The following OPCML variants were observed in gnomAD, a reference collection of about 807,000 sequenced individuals.
OPCML encodes opioid binding protein/cell adhesion molecule like, also known as opioid-binding protein/cell adhesion molecule.
In OPCML, 13 loss-of-function variants were observed where a neutral mutation model predicts 37.8. The ratio of observed to expected loss-of-function variants is 0.34; its 90% confidence interval spans 0.22 to 0.55. The LOEUF is 0.55. Among genes scored for constraint, OPCML ranks in the 20% least tolerant of loss-of-function variants. OPCML has a pLI of 0.91. For missense variants in OPCML, 341 were observed against 435.6 expected, an observed-to-expected ratio of 0.78 and a Z score of 1.93; for synonymous variants, 176 against 168.8, an observed-to-expected ratio of 1.04 and a Z score of -0.33.
chr11:133,499,565 G>T (rs1033885460), intron 1 of OPCML, among the ~76,000 whole-genome samples: 2 of 151,844 alleles, frequency 1.3e-5, no homozygotes, highest in Admixed American at 1.3e-4. Flanking sequence ...GAGGCTCTTT[G>T]TGGGCTGCAC....
chr11:132,896,778 C>T (rs982096428), intron 2 of OPCML, among the ~76,000 whole-genome samples: 7 of 152,202 alleles, frequency 4.6e-5, no homozygotes, highest in Non-Finnish European at 7.3e-5. Context: ...ATGGGTAAGG[C>T]GTTTGCATAT....
At chr11:132,899,549 T>A (rs1419567626) in intron 2 of OPCML, among the ~76,000 whole-genome samples, 1 of 152,188 alleles carries the variant, frequency 6.6e-6, no homozygotes, top group Non-Finnish European at 1.5e-5. Flanking sequence ...TGTCTTCATT[T>A]GGAGGTTAAG....
intron 1 of OPCML, among the ~76,000 whole-genome samples, chr11:133,193,066 C>A (rs1019829107): frequency 8.6e-5 from 13 of 151,988 alleles, no homozygotes; most frequent in South Asian, 4.2e-4. Flanking sequence ...CCAAAAAAAA[C>A]CAGAATTGAG....
At chr11:132,780,616 G>C (rs1304411710) in intron 2 of OPCML, among the ~76,000 whole-genome samples, 2 of 152,150 alleles carry the variant, frequency 1.3e-5, no homozygotes, top group Non-Finnish European at 2.9e-5. Flanking sequence ...CTCAGAATAG[G>C]CTGGGAGGTA....
intron 2 of OPCML, among the ~76,000 whole-genome samples, chr11:132,924,850 A>G (rs575714106): frequency 4.9e-4 from 74 of 151,150 alleles, no homozygotes; most frequent in Non-Finnish European, 8.8e-4. Context: ...ATTTCTATAC[A>G]TATCTCCTCT....
intron 1 of OPCML, among the ~76,000 whole-genome samples, chr11:133,447,657 T>G (rs1412706332): frequency 1.3e-5 from 2 of 152,250 alleles, no homozygotes; most frequent in Non-Finnish European, 2.9e-5. Context: ...TCACTTAGGT[T>G]AATGGCCTCC....
intron 1 of OPCML, chr11:133,003,859 A>C (rs186799577): frequency 5.1e-6 from 5 of 985,274 alleles, no homozygotes; most frequent in East Asian, 1.1e-4. Flanking sequence ...CTTGCCATCC[A>C]CCGTGTGCCC....
At chr11:132,745,870 T>C (rs61908971) in intron 2 of OPCML, among the ~76,000 whole-genome samples, 51,000 of 151,972 alleles carry the variant, frequency 0.34, 9,829 homozygotes, top group Non-Finnish European at 0.44. Context: ...CAATAGAAGC[T>C]TTCAGAAAGG....
intron 2 of OPCML, among the ~76,000 whole-genome samples, chr11:132,731,088 C>T (rs1182980086): frequency 6.6e-6 from 1 of 152,182 alleles, no homozygotes; most frequent in African/African-American, 2.4e-5. Flanking sequence ...ATCAACTGTC[C>T]TGTCCAGTGG....
At chr11:132,676,247 G>A (rs1942696446) in intron 2 of OPCML, among the ~76,000 whole-genome samples, 1 of 152,066 alleles carries the variant, frequency 6.6e-6, no homozygotes. Flanking sequence ...ACACACAATT[G>A]AATACAGCTG....
At chr11:132,995,408 G>GA (rs1245518372) in intron 1 of OPCML, among the ~76,000 whole-genome samples, 2 of 151,846 alleles carry the variant, frequency 1.3e-5, no homozygotes, top group Non-Finnish European at 2.9e-5. Flanking sequence ...GTTGGAATTG[G>GA]AATTCAAAAT....
intron 1 of OPCML, among the ~76,000 whole-genome samples, chr11:132,978,201 G>A (rs1425912297): frequency 6.6e-6 from 1 of 152,208 alleles, no homozygotes; most frequent in Non-Finnish European, 1.5e-5. Context: ...ACCAGTGGGT[G>A]CTGAGGTAGG....
At chr11:133,399,138 C>CAA (rs1945347841) in intron 1 of OPCML, among the ~76,000 whole-genome samples, 1 of 152,086 alleles carries the variant, frequency 6.6e-6, no homozygotes, top group Non-Finnish European at 1.5e-5. Context: ...TCCCCCTCCC[C>CAA]CAGCAAAGAA....
In OPCML at chr11:132,954,297, T is replaced by C. The variant is rs117613196; in HGVS notation, c.62-11287A>G. Among the ~76,000 whole-genome samples, 6 of 152,240 alleles carry C rather than the reference T, an allele frequency of 3.9e-5. No individual in the cohort carries two copies. In the East Asian group the frequency reaches 1.2e-3, roughly 29 times the overall value. On this transcript the variant is annotated intron_variant, in intron 1 of 7. Coordinates refer to ENST00000524381, the MANE Select transcript of OPCML (RefSeq NM_001012393.5). ...AAGAAATAAATCAGGTGTCATAGTA[T>C]GGTATGAGAAGATTAAAAATATGTA...
intron 2 of OPCML, among the ~76,000 whole-genome samples, chr11:132,737,863 A>G (rs1945311652): frequency 6.6e-6 from 1 of 152,232 alleles, no homozygotes. Context: ...TTGGGCAACC[A>G]GAGATCAAAA....
chr11:132,539,450 C>G (rs1565648159), intron 3 of OPCML, among the ~76,000 whole-genome samples: 3 of 152,090 alleles, frequency 2.0e-5, no homozygotes, highest in African/African-American at 7.2e-5. Flanking sequence ...TTGAATAAAC[C>G]CTGAGATTTT....
intron 1 of OPCML, chr11:133,025,477 T>C: frequency 1.0e-6 from 1 of 985,460 alleles, no homozygotes; most frequent in Non-Finnish European, 1.2e-6. Flanking sequence ...CTTAACTATT[T>C]GGTAATCTAG....
chr11:132,495,090 G>A (rs2096227219), intron 4 of OPCML, among the ~76,000 whole-genome samples: 2 of 145,448 alleles, frequency 1.4e-5, no homozygotes, highest in African/African-American at 5.1e-5. Context: ...TCTCTTCTTT[G>A]TAGCTTATCT....
Position 132,943,165 on chromosome 11 carries a change from C to T in OPCML, c.62-155G>A. On this transcript the variant is annotated intron_variant, in intron 1 of 7. Transcript: ENST00000524381. This position sits in a 1 kb window ranked among gnomAD's most constrained non-coding sequence, Gnocchi z 4.3. ...GTCCCCCGCCCCGCGCACCAGCGGG[C>T]TCGGGAAGCGGTGCGGGGAGGAGGG... 1 of 1,599,234 alleles carries T rather than the reference C, an allele frequency of 6.3e-7. No homozygotes were observed. The highest frequency in any genetic ancestry group is 8.6e-7 in the Non-Finnish European group (1 of 1,169,264).
Sources: gnomAD v4.1 joint callset for allele counts (sites outside exome capture counted in the v4.1 genomes callset) on GRCh38, gnomAD v4.1.1 for gene constraint, Gnocchi (gnomAD v3.1) non-coding constraint, MANE v1.5 for transcripts, NCBI Gene and HGNC (gene_info 2026-07-23, HGNC 2026-07-21) for gene names.